The following APPL1 variants were observed in gnomAD, a reference collection of about 807,000 sequenced individuals.
The protein encoded by APPL1 is adaptor protein, phosphotyrosine interacting with PH domain and leucine zipper 1.
In APPL1, 42 loss-of-function variants were observed where a neutral mutation model predicts 106.8. The observed-to-expected ratio is 0.39, with a 90% CI of 0.31 to 0.51. APPL1 has a LOEUF of 0.51. Ranked by LOEUF, APPL1 falls within the 20% of genes least tolerant of loss-of-function variation. The pLI is 0.75. For synonymous variants in APPL1, 263 were observed against 281.8 expected, an observed-to-expected ratio of 0.93 and a Z score of 0.67; for missense variants, 769 against 858.2, an observed-to-expected ratio of 0.90 and a Z score of 1.30.
Position 57,237,563 on chromosome 3 carries a change from C to G in APPL1, c.213+12C>G. The G allele has an allele frequency of 6.4e-7, 1 of 1,563,308 alleles. No individual in the cohort carries two copies. Among genetic ancestry groups the G allele is most frequent in the Non-Finnish European group, 8.7e-7 (1 of 1,145,800 alleles). The stretch of plus-strand genomic sequence containing the variant: ...AATATGAAAAACAGGTATTGTATAT[C>G]AAAGTTTTAAAAGCATAATTTTAAA... On this transcript the variant is annotated intron_variant, in intron 3 of 21. Coordinates refer to ENST00000288266, the MANE Select transcript of APPL1 (RefSeq NM_012096.3).
chr3:57,273,148 A>G lies in APPL1; in HGVS notation c.*3461A>G, dbSNP rs1045683580. On this transcript the variant is annotated 3_prime_UTR_variant, in exon 22 of 22. Transcript: ENST00000288266. Reference sequence around the variant, plus strand: ...TGAAATTTACTTCAGTTAATATGAGACTGGGGGTTAAGTTGTAACTAATAT... The same window carrying G: ...TGAAATTTACTTCAGTTAATATGAGGCTGGGGGTTAAGTTGTAACTAATAT... The G allele has an allele frequency of 6.6e-6, 1 of 152,630 alleles. No homozygotes were observed. Among genetic ancestry groups the G allele is most frequent in the African/African-American group, 2.4e-5 (1 of 41,456 alleles). The allele number at this position is 152,630 out of a possible 1,614,324, so 9.5% of individuals were successfully genotyped here.
chr3:57,237,904 CA>C (rs1455500796), intron 3 of APPL1, 140 bp from the exon 4 acceptor site: 6 of 634,758 alleles, frequency 9.5e-6, no homozygotes, highest in Non-Finnish European at 1.6e-5. Context: ...ATACATTACA[CA>C]ATTTTAGTTA....
chr3:57,231,002 A>AT (rs1033790022), intron 1 of APPL1, among the ~76,000 whole-genome samples: 13 of 151,262 alleles, frequency 8.6e-5, no homozygotes, highest in African/African-American at 2.9e-4. Flanking sequence ...GGTTCAAGTG[A>AT]TTCTGCTTCC....
At chr3:57,234,351 G>A (rs1417249173) in intron 1 of APPL1, among the ~76,000 whole-genome samples, 2 of 145,250 alleles carry the variant, frequency 1.4e-5, no homozygotes, top group Non-Finnish European at 3.0e-5. Context: ...AAGCTGGAGT[G>A]CGGTGGCATG....
rs1318833057 is a variant in APPL1 at position 57,257,376 on chromosome 3, C to G, written c.1378C>G (p.Pro460Ala). 83 of 1,614,072 alleles carry G rather than the reference C, an allele frequency of 5.1e-5. No homozygotes were observed. The highest frequency in any genetic ancestry group is 6.9e-5 in the Non-Finnish European group (81 of 1,179,986). ...DTPIQFDIIS[P>A]VCEDQPGQAK... ...CCCAATACAGTTTGACATAATTTCT[C>G]CTGTGTGTGAAGATCAGCCTGGCCA... The change falls in exon 15 of 22, where the codon CCT becomes GCT. Residue 460 changes from proline to alanine, a missense_variant. Physicochemically the swap from Pro to Ala is conservative, Grantham distance 27. Transcript: ENST00000288266.
Position 57,270,958 on chromosome 3 carries a change from T to A in APPL1, c.*1271T>A, listed in dbSNP as rs2060934052. 1 of 152,170 alleles carries A rather than the reference T, an allele frequency of 6.6e-6. No individual in the cohort carries two copies. Among genetic ancestry groups the A allele is most frequent in the Admixed American group, 6.5e-5 (1 of 15,276 alleles). 9.4% of individuals were successfully genotyped at this position (152,170 alleles called of 1,614,324 possible). A position where few individuals can be genotyped will look rare whatever the true frequency, so the allele number is the denominator to read the frequency against. Reference sequence around the variant, plus strand: ...GTTTATGTTAAACCTTAATTTTTTTTCTGTAATCACTTTTAACACTGCTAA... The same window carrying A: ...GTTTATGTTAAACCTTAATTTTTTTACTGTAATCACTTTTAACACTGCTAA... On this transcript the variant is annotated 3_prime_UTR_variant, in exon 22 of 22. Coordinates refer to ENST00000288266, the MANE Select transcript of APPL1 (RefSeq NM_012096.3).
intron 18 of APPL1, 76 bp from the exon 19 acceptor site, chr3:57,260,552 G>C: frequency 2.3e-6 from 3 of 1,327,878 alleles, no homozygotes; most frequent in Non-Finnish European, 3.1e-6. Flanking sequence ...TTAGAACTTA[G>C]CATATGAGTT....
intron 1 of APPL1, among the ~76,000 whole-genome samples, chr3:57,233,682 T>C (rs1254953612): frequency 1.3e-5 from 2 of 152,184 alleles, no homozygotes; most frequent in African/African-American, 4.8e-5. Flanking sequence ...AATAGGGACT[T>C]ACTGGCATCA....
At chr3:57,234,973 T>A (rs1288736303) in intron 1 of APPL1, among the ~76,000 whole-genome samples, 1 of 152,150 alleles carries the variant, frequency 6.6e-6, no homozygotes, top group Non-Finnish European at 1.5e-5. Flanking sequence ...AGATAATTTT[T>A]AAATGTGCAT....
intron 1 of APPL1, among the ~76,000 whole-genome samples, chr3:57,231,065 C>T (rs981041129): frequency 2.6e-5 from 4 of 151,634 alleles, no homozygotes; most frequent in African/African-American, 9.7e-5. Flanking sequence ...GAAGACTGGG[C>T]GTGGTGGCTC....
chr3:57,269,286 T>C (rs573086823), intron 21 of APPL1: 1 of 372,732 alleles, frequency 2.7e-6, no homozygotes, highest in Non-Finnish European at 4.9e-6. Flanking sequence ...TGATGGGCTT[T>C]ATTTGGTTGT....
At chr3:57,249,235 T>A in intron 10 of APPL1, 125 bp from the exon 11 acceptor site, 1 of 824,998 alleles carries the variant, frequency 1.2e-6, no homozygotes, top group Non-Finnish European at 1.9e-6. Flanking sequence ...TTTATATTTA[T>A]TTTCTTGGCA....
chr3:57,258,755 T>G, intron 15 of APPL1: 1 of 298,856 alleles, frequency 3.3e-6, no homozygotes, highest in Admixed American at 5.0e-5. Flanking sequence ...TCAAGAACTT[T>G]TGCAACATGG....
intron 1 of APPL1, among the ~76,000 whole-genome samples, chr3:57,230,953 A>AG (rs1349634494): frequency 6.6e-6 from 1 of 151,856 alleles, no homozygotes; most frequent in African/African-American, 2.4e-5. Context: ...GCTAGAGTGC[A>AG]GTGGCATGAT....
intron 2 of APPL1, among the ~76,000 whole-genome samples, chr3:57,236,655 T>C (rs1203031101): frequency 6.6e-6 from 1 of 152,208 alleles, no homozygotes; most frequent in East Asian, 1.9e-4. Flanking sequence ...AGTGGAGGAT[T>C]TGAAAGTTGG....
At position 57,257,325 on chromosome 3, in the gene APPL1, C is replaced by G. The variant is rs2060842486; in HGVS notation, c.1327C>G (p.Leu443Val). The G allele has an allele frequency of 1.2e-6, 2 of 1,614,016 alleles. No homozygotes were observed. The highest frequency in any genetic ancestry group is 1.3e-5 in the African/African-American group (1 of 74,896). Reference protein sequence around the residue: ...SESTNLAALSLDSLVAPDTPI... With the variant: ...SESTNLAALSVDSLVAPDTPI... Reference sequence around the variant, plus strand: ...GTCTACAAATTTGGCTGCCCTCTCTCTAGATTCTCTTGTTGCCCCAGACAC... The same window carrying G: ...GTCTACAAATTTGGCTGCCCTCTCTGTAGATTCTCTTGTTGCCCCAGACAC... The change falls in exon 15 of 22, where the codon CTA becomes GTA. Residue 443 changes from leucine (L) to valine (V), a missense_variant. By Grantham distance (32) the Leu-to-Val change is conservative (BLOSUM62 1). Transcript: ENST00000288266.
chr3:57,245,736 G>A lies in APPL1; in HGVS notation c.475-340G>A, dbSNP rs779367668. Among the ~76,000 whole-genome samples, 7 of 151,556 alleles carry A rather than the reference G, an allele frequency of 4.6e-5. No individual in the cohort carries two copies. In the South Asian group the frequency reaches 1.0e-3, roughly 23 times the overall value. ...TTTTTTTTCCATTTTTAATAGAGTC[G>A]GTTTCACCATGTTGGCCAGGCTGTT... On this transcript the variant is annotated intron_variant, in intron 7 of 21. Coordinates refer to ENST00000288266, the MANE Select transcript of APPL1 (RefSeq NM_012096.3).
chr3:57,249,632 T>G (rs2060792940), intron 11 of APPL1, 84 bp downstream of exon 11: 3 of 1,270,008 alleles, frequency 2.4e-6, no homozygotes, highest in Non-Finnish European at 3.2e-6. Context: ...TTTAGAAATT[T>G]TATGGACATT....
At chr3:57,251,087 G>A (rs1396493696) in intron 11 of APPL1, among the ~76,000 whole-genome samples, 15 of 150,754 alleles carry the variant, frequency 9.9e-5, no homozygotes, top group African/African-American at 3.4e-4. Context: ...GATTACAGGC[G>A]TGAGCCACCG....
Sources: gnomAD v4.1 joint callset for allele counts (sites outside exome capture counted in the v4.1 genomes callset) on GRCh38, gnomAD v4.1.1 for gene constraint, MANE v1.5 for transcripts, NCBI Gene and HGNC (gene_info 2026-07-23, HGNC 2026-07-21) for gene names.